The following ATM variants were observed in gnomAD, a reference collection of about 807,000 sequenced individuals.
ATM encodes the protein serine-protein kinase ATM.
In ATM, 308 loss-of-function variants were observed where a neutral mutation model predicts 387.0. The ratio of observed to expected loss-of-function variants is 0.80; its 90% CI spans 0.73 to 0.87. The LOEUF is 0.87. Ranked by LOEUF, ATM falls within the 40% of genes least tolerant of loss-of-function variation. ATM has a pLI of 0.00. For synonymous variants in ATM, 1,156 were observed against 1,187.3 expected, an observed-to-expected ratio of 0.97 and a Z score of 0.54; for missense variants, 3,312 against 3,560.9, an observed-to-expected ratio of 0.93 and a Z score of 1.78.
At chr11:108,272,252 G>A (rs1019102935) in intron 20 of ATM, among the ~76,000 whole-genome samples, 1 of 152,108 alleles carries the variant, frequency 6.6e-6, no homozygotes, top group Non-Finnish European at 1.5e-5. Context: ...TCTTTCTAAA[G>A]TAAGTTTACT....
intron 23 of ATM, 77 bp from the exon 24 acceptor site, chr11:108,280,918 A>C: frequency 7.5e-7 from 1 of 1,337,682 alleles, no homozygotes; most frequent in Non-Finnish European, 1.0e-6. Context: ...AAAAATCTGG[A>C]GTTCAGTTGG....
intron 30 of ATM, among the ~76,000 whole-genome samples, chr11:108,293,110 C>G (rs1160837061): frequency 3.3e-5 from 5 of 152,070 alleles, no homozygotes; most frequent in Admixed American, 6.6e-5. Context: ...TTTTTAACCT[C>G]AGTACCCATC....
rs1565427961 is a variant in ATM, at chr11:108,272,597, C to CT, written c.3146dup (p.Leu1049PhefsTer3). ...ATGGCCCTAGTAAATTGCCTTAAAA[C>CT]TTTGCTTGAGGTGAGTTTTTGCATT... On this transcript the variant is annotated frameshift_variant, in exon 21 of 63. Transcript: ENST00000675843. LOFTEE classifies it high-confidence loss of function. 6.2e-7 allele frequency: 1 copy of CT among 1,613,672 alleles called. No homozygotes were observed. The highest frequency in any genetic ancestry group is 8.5e-7 in the Non-Finnish European group (1 of 1,179,696).
Position 108,347,293 on chromosome 11 carries a change from G to A in ATM, c.8599G>A (p.Gly2867Arg), listed in dbSNP as rs2137079086. ...TTTTTCTCCAGTTGGTTACATACTT[G>A]GACTTGGTGATAGACATGTACAGAA... is the stretch of plus-strand genomic sequence containing the variant. ...ATSSIVGYILGLGDRHVQNIL... is the reference protein window; with the variant it reads ...ATSSIVGYILRLGDRHVQNIL... Residue 2867 changes from glycine (G) to arginine (R), a missense_variant, in exon 59 of 63, where the codon GGA becomes AGA. Physicochemically the swap from Gly to Arg is moderately radical, Grantham distance 125 (BLOSUM62 -2). Transcript: ENST00000675843. 1.2e-6 allele frequency: 2 copies of A among 1,609,992 alleles called. No individual in the cohort carries two copies. The highest frequency in any genetic ancestry group is 1.7e-6 in the Non-Finnish European group (2 of 1,176,552).
intron 18 of ATM, among the ~76,000 whole-genome samples, 159 bp downstream of exon 18, chr11:108,268,768 T>C (rs1340234363): frequency 6.6e-6 from 1 of 152,240 alleles, no homozygotes; most frequent in Non-Finnish European, 1.5e-5. Context: ...ACTTTTAACG[T>C]GCTGTGAGCA....
intron 22 of ATM, among the ~76,000 whole-genome samples, chr11:108,278,016 CTG>C (rs1244419371): frequency 1.3e-5 from 2 of 151,864 alleles, no homozygotes. Context: ...TATCCAATAA[CTG>C]TTTTAAAATA....
intron 61 of ATM, among the ~76,000 whole-genome samples, chr11:108,357,597 G>C (rs1425410787): frequency 6.6e-6 from 1 of 152,012 alleles, no homozygotes. Flanking sequence ...GCTGGAGATC[G>C]GACAACAGGC....
chr11:108,366,787 A>C lies in ATM; in HGVS notation c.*1279A>C, dbSNP rs1163241353. The C allele has an allele frequency of 4.3e-6, 1 of 230,364 alleles. No homozygotes were observed. Among genetic ancestry groups the C allele is most frequent in the Non-Finnish European group, 8.6e-6 (1 of 116,362 alleles). The allele number at this position is 230,364 out of a possible 1,614,324, so 14.3% of individuals were successfully genotyped here. On this transcript the variant is annotated 3_prime_UTR_variant, in exon 63 of 63. Coordinates refer to ENST00000675843, the MANE Select transcript of ATM (RefSeq NM_000051.4). ...TTTGATTGATGCCTTTTTCACTGAGAGTATAAGCTTCCATGTGTCCCACCT... is the reference window on the plus strand; with the variant it reads ...TTTGATTGATGCCTTTTTCACTGAGCGTATAAGCTTCCATGTGTCCCACCT...
At chr11:108,229,375 TGA>T in intron 4 of ATM, 52 bp downstream of exon 4, 4 of 1,455,480 alleles carry the variant, frequency 2.7e-6, no homozygotes, top group Non-Finnish European at 3.7e-6. Context: ...TACTGTCGCG[TGA>T]GTTTTTTTTT....
In ATM at chr11:108,281,041, G is replaced by C. The variant is rs555219189; in HGVS notation, c.3449G>C (p.Arg1150Thr). The C allele has an allele frequency of 8.0e-5, 129 of 1,613,476 alleles. 3 individuals carry two copies. In the South Asian group the frequency reaches 1.3e-3, roughly 17 times the overall value. ...GAAACTTTGGATGAAATTTATAATA[G>C]AAAATCTGTTTTACTGACGTTGATA... ...NPETLDEIYN[R>T]KSVLLTLIAV... The change falls in exon 24 of 63, where the codon AGA becomes ACA. Residue 1150 changes from arginine to threonine, a missense_variant. Arg to Thr is a moderately conservative substitution (Grantham distance 71). This residue lies in a region of ATM where 1,791 missense variants were observed against 1,804.5 expected (regional missense o/e 0.99). Coordinates refer to ENST00000675843, the MANE Select transcript of ATM (RefSeq NM_000051.4).
intron 10 of ATM, 47 bp from the exon 11 acceptor site, chr11:108,251,790 C>A (rs2135337291): frequency 6.3e-7 from 1 of 1,585,612 alleles, no homozygotes. Flanking sequence ...AAAGTCTTTG[C>A]CCCTCCAATA....
intron 18 of ATM, among the ~76,000 whole-genome samples, chr11:108,269,789 A>G (rs3092991): frequency 0.11 from 16,336 of 152,242 alleles, 1,224 homozygotes; most frequent in Non-Finnish European, 0.15. Context: ...ATCCCTGGTC[A>G]TGTTTCCCAC....
rs1156591735 is a variant in ATM at position 108,327,493 on chromosome 11, G to A, written c.6976-152G>A. 12 of 623,312 alleles carry A rather than the reference G, an allele frequency of 1.9e-5. No individual in the cohort carries two copies. The Admixed American group carries it at 3.0e-4, about 15-fold the overall frequency. The allele number at this position is 623,312 out of a possible 1,614,324, so 38.6% of individuals were successfully genotyped here. A position where few individuals can be genotyped will look rare whatever the true frequency, so the allele number is the denominator to read the frequency against. On this transcript the variant is annotated intron_variant, in intron 47 of 62. Transcript: ENST00000675843. The stretch of plus-strand genomic sequence containing the variant: ...TTTCCTACATGGGATTATTAAAATA[G>A]TTGTATGGCAAAAGCAGATGAGGAA...
intron 11 of ATM, among the ~76,000 whole-genome samples, chr11:108,252,286 A>G (rs1295887344): frequency 1.3e-5 from 2 of 152,208 alleles, no homozygotes; most frequent in African/African-American, 4.8e-5. Flanking sequence ...TTCTTTGAGC[A>G]TTTATGTGTT....
chr11:108,345,638 C>A, intron 57 of ATM, 105 bp from the exon 58 acceptor site: 1 of 922,812 alleles, frequency 1.1e-6, no homozygotes, highest in Non-Finnish European at 1.6e-6. Flanking sequence ...GTATCCTGTT[C>A]ATCTTTATTG....
chr11:108,329,330 G>C, intron 49 of ATM, 92 bp downstream of exon 49: 2 of 1,184,064 alleles, frequency 1.7e-6, no homozygotes, highest in East Asian at 5.1e-5. Context: ...CTTTTTATCT[G>C]ATATAGTTTT....
intron 18 of ATM, among the ~76,000 whole-genome samples, chr11:108,269,145 ATAT>A (rs1273431179): frequency 6.6e-6 from 1 of 152,220 alleles, no homozygotes; most frequent in Non-Finnish European, 1.5e-5. Flanking sequence ...ACTTCAGTGT[ATAT>A]TTCCTAAAAA....
intron 59 of ATM, among the ~76,000 whole-genome samples, chr11:108,350,166 A>C (rs1363928631): frequency 2.6e-5 from 4 of 152,188 alleles, no homozygotes; most frequent in Non-Finnish European, 5.9e-5. Flanking sequence ...TCAATCCTAA[A>C]TTTGTAGTGG....
intron 25 of ATM, among the ~76,000 whole-genome samples, chr11:108,283,538 A>G (rs893051734): frequency 3.3e-5 from 5 of 152,212 alleles, no homozygotes; most frequent in African/African-American, 1.2e-4. Flanking sequence ...TTATCCTAAT[A>G]GAGTTTTCTA....
Sources: allele counts gnomAD v4.1 joint callset (sites outside exome capture counted in the v4.1 genomes callset), GRCh38; gene constraint gnomAD v4.1.1; regional missense constraint gnomAD v4.1.1; transcripts MANE v1.5; gene names NCBI Gene and HGNC (gene_info 2026-07-23, HGNC 2026-07-21).